Variants in KCNJ6 observed in about 807,000 individuals in gnomAD.
KCNJ6 encodes the protein potassium inwardly rectifying channel subfamily J member 6, also known as G protein-activated inward rectifier potassium channel 2.
KCNJ6 carries 9 observed loss-of-function variants against 34.2 expected under a neutral mutation model. That is an observed-to-expected ratio of 0.26 (90% CI 0.16 to 0.46). KCNJ6 has a LOEUF of 0.46. Among genes scored for constraint, KCNJ6 ranks in the 20% least tolerant of loss-of-function variants. KCNJ6 has a pLI of 1.00. For synonymous variants in KCNJ6, 196 were observed against 207.1 expected, an observed-to-expected ratio of 0.95 and a Z score of 0.46; for missense variants, 236 against 531.3, an observed-to-expected ratio of 0.44 and a Z score of 5.46.
intron 2 of KCNJ6, among the ~76,000 whole-genome samples, chr21:37,787,183 T>C (rs540353890): frequency 6.6e-6 from 1 of 152,348 alleles, no homozygotes; most frequent in African/African-American, 2.4e-5. Flanking sequence ...ACATCTCCCG[T>C]AGACTGTGAA....
At chr21:37,794,822 T>C (rs943352246) in intron 2 of KCNJ6, among the ~76,000 whole-genome samples, 1 of 151,932 alleles carries the variant, frequency 6.6e-6, no homozygotes, top group African/African-American at 2.4e-5. Flanking sequence ...CAAACCACCA[T>C]GACACATGTA....
chr21:37,754,987 A>G (rs1007366993), intron 2 of KCNJ6, among the ~76,000 whole-genome samples: 1 of 152,204 alleles, frequency 6.6e-6, no homozygotes, highest in Non-Finnish European at 1.5e-5. Flanking sequence ...CTCAATAGGT[A>G]GCAAAATGAC....
chr21:37,836,120 C>T (rs1255944779), intron 2 of KCNJ6, among the ~76,000 whole-genome samples: 1 of 152,068 alleles, frequency 6.6e-6, no homozygotes, highest in Admixed American at 6.5e-5. Flanking sequence ...ATTTATGCAG[C>T]CAACAAACAT....
intron 3 of KCNJ6, among the ~76,000 whole-genome samples, chr21:37,672,385 CGGT>C (rs1452925046): frequency 1.3e-5 from 2 of 151,756 alleles, no homozygotes; most frequent in African/African-American, 4.8e-5. Context: ...CTAAGGATGA[CGGT>C]GATGCAGAAG....
chr21:37,885,913 C>G (rs965332902), intron 1 of KCNJ6, among the ~76,000 whole-genome samples: 4 of 152,196 alleles, frequency 2.6e-5, no homozygotes, highest in African/African-American at 9.7e-5. Flanking sequence ...TTCTGCCCTC[C>G]AAACTTGCCT....
intron 3 of KCNJ6, among the ~76,000 whole-genome samples, chr21:37,655,207 GTGTGTGTGTGTGTGTGTGAGAGAGAGAGA>G (rs1569438790): frequency 6.4e-5 from 5 of 78,052 alleles, no homozygotes; most frequent in African/African-American, 2.4e-4. Flanking sequence ...GTGTGTGTGT[GTGTGTGTGTGTGTGTGTGAGAGAGAGAGA>G]GAGAGAGAGA....
chr21:37,878,183 A>G (rs1402716465), intron 1 of KCNJ6, among the ~76,000 whole-genome samples: 8 of 152,222 alleles, frequency 5.3e-5, no homozygotes, highest in African/African-American at 1.9e-4. Context: ...CAAAATAAGT[A>G]ATCTTCAAGC....
At chr21:37,654,901 C>T in intron 3 of KCNJ6, among the ~76,000 whole-genome samples, 1 of 141,728 alleles carries the variant, frequency 7.1e-6, no homozygotes, top group African/African-American at 3.0e-5. Flanking sequence ...GCATGGACAT[C>T]CCCAAGGCCA....
At chr21:37,880,161 C>T (rs1601514483) in intron 1 of KCNJ6, among the ~76,000 whole-genome samples, 1 of 152,086 alleles carries the variant, frequency 6.6e-6, no homozygotes, top group East Asian at 1.9e-4. Flanking sequence ...CCTATAATCC[C>T]AGTTACTCGG....
chr21:37,763,805 T>TG (rs979916257), intron 2 of KCNJ6, among the ~76,000 whole-genome samples: 3 of 151,956 alleles, frequency 2.0e-5, no homozygotes, highest in Admixed American at 2.0e-4. Context: ...GCTCAGAATG[T>TG]GGGGGGAGGG....
At chr21:37,677,806 A>ATCCATCCACCCCCCCCCCCCCCC (rs2054573396) in intron 3 of KCNJ6, among the ~76,000 whole-genome samples, 1 of 135,102 alleles carries the variant, frequency 7.4e-6, no homozygotes. Flanking sequence ...CTATCCACCC[A>ATCCATCCACCCCCCCCCCCCCCC]CCCATCCAGT....
Position 37,835,582 on chromosome 21 carries a change from C to T in KCNJ6, c.25+5076G>A, listed in dbSNP as rs368285048. On this transcript the variant is annotated intron_variant, in intron 2 of 3. Coordinates refer to ENST00000609713, the MANE Select transcript of KCNJ6 (RefSeq NM_002240.5). ...CATGCAGACCATGATTCAGAGCTTT[C>T]GGGCTATTTGCCTGCCTCTGGACAT... 7.9e-5 allele frequency among the ~76,000 whole-genome samples: 12 copies of T among 152,324 alleles called. 1 individual carries two copies. The highest frequency in any genetic ancestry group is 6.2e-4 in the South Asian group (3 of 4,826).
chr21:37,744,465 G>A (rs902436960), intron 2 of KCNJ6, among the ~76,000 whole-genome samples: 50 of 152,216 alleles, frequency 3.3e-4, no homozygotes, highest in Middle Eastern at 3.4e-3. Flanking sequence ...GGTTAGGAAC[G>A]GGTCTCCTCT....
chr21:37,779,474 C>T (rs1314092375), intron 2 of KCNJ6, among the ~76,000 whole-genome samples: 1 of 152,168 alleles, frequency 6.6e-6, no homozygotes, highest in Admixed American at 6.5e-5. Context: ...CAATTATTAC[C>T]CCTAACCTGT....
intron 1 of KCNJ6, among the ~76,000 whole-genome samples, chr21:37,877,700 G>C (rs1057471720): frequency 6.6e-6 from 1 of 152,010 alleles, no homozygotes; most frequent in Non-Finnish European, 1.5e-5. Context: ...ACCTACAGTC[G>C]GATCGGCCAC....
chr21:37,883,640 C>T (rs1224757488), intron 1 of KCNJ6, among the ~76,000 whole-genome samples: 1 of 152,176 alleles, frequency 6.6e-6, no homozygotes, highest in Admixed American at 6.5e-5. Context: ...CTCCCAAAGT[C>T]CCGGGCTTCA....
rs571331220 is a variant in KCNJ6 at position 37,767,247 on chromosome 21, G to A, written c.26-52116C>T. On this transcript the variant is annotated intron_variant, in intron 2 of 3. Coordinates refer to ENST00000609713, the MANE Select transcript of KCNJ6 (RefSeq NM_002240.5). ...GTGAGAAAGATGGGAGACAGAGGGC[G>A]TCCAGCTGCCTCGTCCTCACCTCAG... is the stretch of plus-strand genomic sequence containing the variant. Among the ~76,000 whole-genome samples, 11 of 152,310 alleles carry A rather than the reference G, an allele frequency of 7.2e-5. No individual in the cohort carries two copies. The South Asian group carries it at 1.0e-3, about 14-fold the overall frequency.
At chr21:37,807,323 A>G (rs1487920823) in intron 2 of KCNJ6, among the ~76,000 whole-genome samples, 11 of 152,246 alleles carry the variant, frequency 7.2e-5, no homozygotes, top group Non-Finnish European at 1.2e-4. Context: ...AGTACAAGCT[A>G]TAATTAAATC....
At chr21:37,806,062 G>A (rs1046726582) in intron 2 of KCNJ6, among the ~76,000 whole-genome samples, 4 of 152,174 alleles carry the variant, frequency 2.6e-5, no homozygotes, top group African/African-American at 9.7e-5. Flanking sequence ...TCTGGCACAC[G>A]GAAGCCCAAA....
Sources: gnomAD v4.1 joint callset for allele counts (sites outside exome capture counted in the v4.1 genomes callset) on GRCh38, gnomAD v4.1.1 for gene constraint, MANE v1.5 for transcripts, NCBI Gene and HGNC (gene_info 2026-07-23, HGNC 2026-07-21) for gene names.